SUN1: variants seen among roughly 807,000 people sequenced by gnomAD.
SUN1 encodes the protein Sad1 and UNC84 domain containing 1, also known as SUN domain-containing protein 1.
SUN1 carries 61 observed loss-of-function variants against 103.2 expected under a neutral mutation model. That is an observed-to-expected ratio of 0.59 (90% confidence interval 0.48 to 0.73). The LOEUF is 0.73. Among genes scored for constraint, SUN1 ranks in the 30% least tolerant of loss-of-function variants. The pLI is 0.00. For synonymous variants in SUN1, 490 were observed against 425.7 expected, an observed-to-expected ratio of 1.15 and a Z score of -1.86; for missense variants, 1,052 against 1,034.6, an observed-to-expected ratio of 1.02 and a Z score of -0.23.
chr7:868,370 G>A, intron 16 of SUN1: 1 of 257,154 alleles, frequency 3.9e-6, no homozygotes, highest in South Asian at 3.9e-5. Flanking sequence ...AGGCAGATGT[G>A]TGCGCAGCAG....
In SUN1 at chr7:853,534, G is replaced by T; in HGVS notation, c.1179G>T (p.Leu393=). Residue 393 remains leucine (L), a synonymous_variant, in exon 10 of 19, where the codon CTG becomes CTT. Transcript: ENST00000401592. ...LRELTTLLQK[L]QARVDQMEGG... ...AGCTGACCACTTTGCTACAGAAGCT[G>T]CAGGCTCGGGTGGACCAGATGGAAG... 1 of 1,613,388 alleles carries T rather than the reference G, an allele frequency of 6.2e-7. No individual in the cohort carries two copies.
At chr7:828,268 T>TTTTG (rs375156977), upstream of SUN1, among the ~76,000 whole-genome samples, 15 of 47,994 alleles carry the variant, frequency 3.1e-4, no homozygotes, top group South Asian at 8.1e-3. Context: ...TTGTTTTTTG[T>TTTTG]TTTTGTTTTG....
chr7:836,422 C>T (rs1803262350), intron 1 of SUN1, among the ~76,000 whole-genome samples: 1 of 152,170 alleles, frequency 6.6e-6, no homozygotes, highest in African/African-American at 2.4e-5. Context: ...CCAAGATCTT[C>T]AGGTTGAGTT....
intron 16 of SUN1, among the ~76,000 whole-genome samples, chr7:866,421 T>C (rs1391951471): frequency 6.6e-6 from 1 of 152,126 alleles, no homozygotes; most frequent in Non-Finnish European, 1.5e-5. Flanking sequence ...GCAGCTGTGC[T>C]TTCTCAGGTG....
intron 2 of SUN1, among the ~76,000 whole-genome samples, chr7:839,823 C>T (rs1225354442): frequency 6.6e-6 from 1 of 151,854 alleles, no homozygotes; most frequent in Non-Finnish European, 1.5e-5. Context: ...CAAAGTGCTG[C>T]GATTACAGGC....
chr7:821,549 C>A (rs1218140339), intron 1 of SUN1, among the ~76,000 whole-genome samples: 1 of 152,088 alleles, frequency 6.6e-6, no homozygotes, highest in Admixed American at 6.5e-5. Flanking sequence ...TTATGATGAT[C>A]GAATGGTCTC....
chr7:834,771 T>C (rs906700995), intron 1 of SUN1, among the ~76,000 whole-genome samples: 4 of 147,344 alleles, frequency 2.7e-5, no homozygotes, highest in African/African-American at 5.0e-5. Flanking sequence ...CTTTCTTTAA[T>C]TAAATTTTTT....
At chr7:849,181 C>T (rs942035451) in intron 5 of SUN1, among the ~76,000 whole-genome samples, 2 of 152,258 alleles carry the variant, frequency 1.3e-5, no homozygotes, top group African/African-American at 2.4e-5. Flanking sequence ...TGGTCTCCAA[C>T]TCCTGACCTC....
At chr7:830,824 G>T, upstream of SUN1, 1 of 398,552 alleles carries the variant, frequency 2.5e-6, no homozygotes, top group Non-Finnish European at 3.4e-6. Context: ...AGGGTATAGC[G>T]GGAGTGGGCG....
At chr7:845,319 G>T (rs577730094) in intron 5 of SUN1, among the ~76,000 whole-genome samples, 2 of 152,112 alleles carry the variant, frequency 1.3e-5, no homozygotes, top group Non-Finnish European at 2.9e-5. Context: ...GCGCCTCCCC[G>T]CGGATGTCGG....
chr7:859,615 G>T (rs901787235), intron 13 of SUN1, among the ~76,000 whole-genome samples: 1 of 152,208 alleles, frequency 6.6e-6, no homozygotes, highest in African/African-American at 2.4e-5. Flanking sequence ...GTCCTAGGAG[G>T]CTTTGCCCTC....
At position 818,390 on chromosome 7, in the gene SUN1, A is replaced by ATAAT. The variant is rs149307135; in HGVS notation, c.-74+1719_-74+1722dup. The stretch of plus-strand genomic sequence containing the variant: ...GTATTCCATTCCTTTTTATGACTGA[A>ATAAT]TAATTGTCCATTGTATAGATATACC... On this transcript the variant is annotated intron_variant, in intron 1 of 17. Transcript: ENST00000389574. 1.6e-3 allele frequency among the ~76,000 whole-genome samples: 249 copies of ATAAT among 152,328 alleles called. 6 individuals carry two copies. In the East Asian group the frequency reaches 0.046, roughly 28 times the overall value.
Position 860,321 on chromosome 7 carries a change from C to CA in SUN1, c.1720dup (p.Thr574AsnfsTer37). Reference sequence around the variant, plus strand: ...CACGTTTCCGTGACCAAGCAGCTCCCAACCTCAGAAGCCGTGGTGTCTGCT... The same window carrying CA: ...CACGTTTCCGTGACCAAGCAGCTCCCAAACCTCAGAAGCCGTGGTGTCTGCT... On this transcript the variant is annotated frameshift_variant, in exon 14 of 19. Coordinates refer to ENST00000401592, the MANE Select transcript of SUN1 (RefSeq NM_001130965.3). LOFTEE classifies it high-confidence loss of function. 1 of 1,614,250 alleles carries CA rather than the reference C, an allele frequency of 6.2e-7. No homozygotes were observed. The highest frequency in any genetic ancestry group is 1.1e-5 in the South Asian group (1 of 91,090).
intron 1 of SUN1, among the ~76,000 whole-genome samples, chr7:825,203 C>T (rs925256696): frequency 5.3e-5 from 8 of 152,052 alleles, no homozygotes; most frequent in East Asian, 3.9e-4. Flanking sequence ...GGACTACAGG[C>T]GCCCGCCACT....
At chr7:866,489 C>T (rs1185608386) in intron 16 of SUN1, among the ~76,000 whole-genome samples, 1 of 151,078 alleles carries the variant, frequency 6.6e-6, no homozygotes, top group East Asian at 2.0e-4. Context: ...GGCCTTCACC[C>T]CCCCATCCCT....
chr7:841,741 C>G lies in SUN1; in HGVS notation c.267-205C>G, dbSNP rs1388407644. ...TAACCTGGAAACTATTTTGTGTTTACAATTTTAGAGGGAGTTCTTGGATCC... is the reference window on the plus strand; with the variant it reads ...TAACCTGGAAACTATTTTGTGTTTAGAATTTTAGAGGGAGTTCTTGGATCC... On this transcript the variant is annotated intron_variant, in intron 2 of 18. Coordinates refer to ENST00000401592, the MANE Select transcript of SUN1 (RefSeq NM_001130965.3). 1.4e-5 allele frequency: 8 copies of G among 559,330 alleles called. No homozygotes were observed. In the African/African-American group the frequency reaches 1.5e-4, roughly 11 times the overall value. The allele number at this position is 559,330 out of a possible 1,614,324, so 34.6% of individuals were successfully genotyped here.
At chr7:827,653 T>C (rs1201477003), upstream of SUN1, among the ~76,000 whole-genome samples, 3 of 151,416 alleles carry the variant, frequency 2.0e-5, no homozygotes, top group African/African-American at 7.3e-5. Flanking sequence ...GTATTTTTAG[T>C]AGAGATGGGG....
chr7:857,224 G>T (rs1828375422), intron 12 of SUN1, among the ~76,000 whole-genome samples: 1 of 152,176 alleles, frequency 6.6e-6, no homozygotes, highest in South Asian at 2.1e-4. Context: ...CACTCGGGAG[G>T]GTCCATCCTC....
chr7:832,433 T>C, upstream of SUN1: 3 of 1,333,638 alleles, frequency 2.2e-6, no homozygotes, highest in Non-Finnish European at 3.2e-6. Flanking sequence ...GCAGCTCAGG[T>C]TGACTGAGAC....
Sources: gnomAD v4.1 joint callset for allele counts (sites outside exome capture counted in the v4.1 genomes callset) on GRCh38, gnomAD v4.1.1 for gene constraint, MANE v1.5 for transcripts, NCBI Gene and HGNC (gene_info 2026-07-23, HGNC 2026-07-21) for gene names.